CHLSN: variants seen among roughly 807,000 people sequenced by gnomAD.
CHLSN encodes cholesin, also known as protein cholesin.
At chr7:1,106,827 CTG>C in the CHLSN span, among the ~76,000 whole-genome samples, 1 of 152,210 alleles carries the variant, frequency 6.6e-6, no homozygotes, top group Non-Finnish European at 1.5e-5. Context: ...TCCCTCCGTG[CTG>C]TTTCTGCAGT....
chr7:1,079,526 C>T, the CHLSN span, among the ~76,000 whole-genome samples: 1 of 151,948 alleles, frequency 6.6e-6, no homozygotes, highest in African/African-American at 2.4e-5. Flanking sequence ...ACTACTTATC[C>T]ATTAAAAATG....
At chr7:1,009,815 AGGCCTG>A in the CHLSN span, 2 of 761,616 alleles carry the variant, frequency 2.6e-6, no homozygotes, top group African/African-American at 3.6e-5. Flanking sequence ...GCGGCAGCAC[AGGCCTG>A]GCATGAACGC....
the CHLSN span, among the ~76,000 whole-genome samples, chr7:1,136,149 A>AAT: frequency 1.1e-5 from 1 of 91,992 alleles, no homozygotes. Context: ...TAAATATATA[A>AAT]ATATATATAC....
At chr7:984,462 G>A in the CHLSN span, 7 of 1,550,840 alleles carry the variant, frequency 4.5e-6, no homozygotes, top group Non-Finnish European at 6.1e-6. Flanking sequence ...GGCGCCAGAA[G>A]ACGGTGGTGC....
the CHLSN span, among the ~76,000 whole-genome samples, chr7:1,032,878 A>C: frequency 6.6e-6 from 1 of 152,224 alleles, no homozygotes; most frequent in Admixed American, 6.5e-5. Flanking sequence ...CCTCCAGCCC[A>C]GTCACACTGT....
At chr7:1,047,532 G>A in the CHLSN span, among the ~76,000 whole-genome samples, 1 of 152,248 alleles carries the variant, frequency 6.6e-6, no homozygotes, top group Non-Finnish European at 1.5e-5. Context: ...TGGCTCCTAG[G>A]AGCTGGATGT....
At chr7:997,589 T>C in the CHLSN span, 3 of 1,478,504 alleles carry the variant, frequency 2.0e-6, no homozygotes, top group East Asian at 2.7e-5. Context: ...GAGGCAGCCC[T>C]GCACTGGGCA....
the CHLSN span, among the ~76,000 whole-genome samples, chr7:981,484 G>C: frequency 6.6e-6 from 1 of 151,322 alleles, no homozygotes; most frequent in African/African-American, 2.4e-5. Context: ...AGGCCGAGGC[G>C]GGCGGATCAT....
the CHLSN span, among the ~76,000 whole-genome samples, chr7:1,103,891 T>TG: frequency 2.4e-3 from 372 of 152,264 alleles, 3 homozygotes; most frequent in African/African-American, 8.5e-3. Context: ...GAGCACCCGG[T>TG]GGGGCAGGGG....
At chr7:1,053,934 C>T in the CHLSN span, among the ~76,000 whole-genome samples, 6 of 152,366 alleles carry the variant, frequency 3.9e-5, no homozygotes, top group African/African-American at 1.4e-4. Flanking sequence ...TCCTGGAGGG[C>T]ACTCCCAGGG....
At chr7:1,114,593 G>A in the CHLSN span, among the ~76,000 whole-genome samples, 20 of 152,386 alleles carry the variant, frequency 1.3e-4, no homozygotes, top group Middle Eastern at 0.01. Context: ...GGCCGTGATG[G>A]GCGCGGGGCC....
the CHLSN span, among the ~76,000 whole-genome samples, chr7:1,114,066 G>A: frequency 2.5e-4 from 38 of 152,292 alleles, no homozygotes; most frequent in South Asian, 1.4e-3. Flanking sequence ...TAATTAACCC[G>A]CAGTGCAGCG....
the CHLSN span, among the ~76,000 whole-genome samples, chr7:1,131,040 A>C: frequency 1.3e-5 from 2 of 151,930 alleles, no homozygotes; most frequent in Non-Finnish European, 2.9e-5. Context: ...ATTTTTTAAA[A>C]ATTGGCTACG....
At chr7:1,083,824 G>C in the CHLSN span, among the ~76,000 whole-genome samples, 9 of 152,290 alleles carry the variant, frequency 5.9e-5, no homozygotes, top group African/African-American at 1.9e-4. Context: ...CCAGTGCCAG[G>C]CGACACAGCA....
the CHLSN span, among the ~76,000 whole-genome samples, chr7:1,130,784 C>T: frequency 1.3e-5 from 2 of 152,226 alleles, no homozygotes; most frequent in African/African-American, 4.8e-5. Context: ...CCAGCACACG[C>T]GGCATGCACG....
chr7:1,075,054 A>G, the CHLSN span, among the ~76,000 whole-genome samples: 1 of 152,176 alleles, frequency 6.6e-6, no homozygotes, highest in African/African-American at 2.4e-5. Flanking sequence ...CCAAGAACCG[A>G]AAGGTCTGTG....
the CHLSN span, chr7:1,025,467 G>A: frequency 1.3e-5 from 2 of 152,426 alleles, no homozygotes; most frequent in Admixed American, 6.5e-5. Flanking sequence ...AGGTGCACAA[G>A]TCAGGTCAGG....
chr7:1,078,580 C>G, the CHLSN span, among the ~76,000 whole-genome samples: 4 of 152,192 alleles, frequency 2.6e-5, no homozygotes, highest in East Asian at 1.9e-4. Flanking sequence ...TAACGCCCCC[C>G]ACGCCGGTTC....
At chr7:1,002,144 T>G in the CHLSN span, among the ~76,000 whole-genome samples, 4 of 82,902 alleles carry the variant, frequency 4.8e-5, no homozygotes, top group Admixed American at 1.3e-4. Context: ...TGTGGGTGAG[T>G]GGAGTCCTGT....
Sources: gnomAD v4.1 joint callset for allele counts (sites outside exome capture counted in the v4.1 genomes callset) on GRCh38, gnomAD v4.1.1 for gene constraint, MANE v1.5 for transcripts, NCBI Gene and HGNC (gene_info 2026-07-23, HGNC 2026-07-21) for gene names.